Variants in ACACA observed in about 807,000 individuals in gnomAD.
ACACA encodes the protein acetyl-CoA carboxylase alpha, also known as acetyl-CoA carboxylase 1.
A neutral mutation model predicts 296.1 loss-of-function variants in ACACA; 103 were observed. That is an observed-to-expected ratio of 0.35 (90% CI 0.30 to 0.41). The LOEUF (loss-of-function observed/expected upper bound fraction) is 0.41. ACACA is among the 10% of genes least tolerant of loss of function. ACACA has a pLI of 1.00. For synonymous variants in ACACA, 953 were observed against 1,038.6 expected, an observed-to-expected ratio of 0.92 and a Z score of 1.58; for missense variants, 1,554 against 2,989.7, an observed-to-expected ratio of 0.52 and a Z score of 11.20.
At chr17:37,114,225 C>A (rs1264463215) in intron 50 of ACACA, among the ~76,000 whole-genome samples, 2 of 151,900 alleles carry the variant, frequency 1.3e-5, no homozygotes, top group African/African-American at 4.8e-5. Flanking sequence ...AAGAGAGGAA[C>A]CACCTCTTCA....
intron 29 of ACACA, 48 bp from the exon 30 acceptor site, chr17:37,210,538 A>G: frequency 6.4e-7 from 1 of 1,571,810 alleles, no homozygotes; most frequent in Non-Finnish European, 8.8e-7. Context: ...AGTGAAAGCC[A>G]TAATAAAAGA....
chr17:37,376,264 C>A, intron 1 of ACACA: 1 of 858,980 alleles, frequency 1.2e-6, no homozygotes, highest in Non-Finnish European at 1.9e-6. Flanking sequence ...GCAATACTTT[C>A]CAGAGTTAAT....
intron 41 of ACACA, among the ~76,000 whole-genome samples, chr17:37,170,032 A>G (rs950259730): frequency 6.6e-6 from 1 of 152,142 alleles, no homozygotes; most frequent in African/African-American, 2.4e-5. Flanking sequence ...TACTTACTAC[A>G]AATTATTTTG....
intron 22 of ACACA, 121 bp downstream of exon 22, chr17:37,243,250 T>A: frequency 9.5e-7 from 1 of 1,050,138 alleles, no homozygotes; most frequent in Admixed American, 1.9e-5. Context: ...AGGAATACAA[T>A]GCTTAAAAGT....
intron 36 of ACACA, 105 bp downstream of exon 36, chr17:37,193,269 G>C (rs1483014539): frequency 2.4e-6 from 2 of 849,660 alleles, no homozygotes; most frequent in African/African-American, 3.4e-5. Flanking sequence ...AGTTCAATAA[G>C]AGAAAAAAGA....
At chr17:37,156,571 G>A (rs1318494153) in intron 42 of ACACA, among the ~76,000 whole-genome samples, 1 of 152,158 alleles carries the variant, frequency 6.6e-6, no homozygotes, top group Non-Finnish European at 1.5e-5. Flanking sequence ...TCTACACAGT[G>A]CTAATAGTGA....
chr17:37,263,546 T>G (rs531097994), intron 11 of ACACA, 139 bp downstream of exon 11: 1 of 772,472 alleles, frequency 1.3e-6, no homozygotes, highest in Non-Finnish European at 2.1e-6. Flanking sequence ...TAGAATTTTT[T>G]TTCTCTAAGA....
chr17:37,224,087 A>G (rs1008249701), intron 27 of ACACA, among the ~76,000 whole-genome samples: 27 of 152,324 alleles, frequency 1.8e-4, no homozygotes, highest in Admixed American at 5.2e-4. Flanking sequence ...CTGTAATCCC[A>G]GCTACTCTGG....
At chr17:37,166,705 C>T (rs7215485) in intron 41 of ACACA, among the ~76,000 whole-genome samples, 73,926 of 152,028 alleles carry the variant, frequency 0.49, 20,223 homozygotes, top group East Asian at 0.75. Context: ...TTATGCTAGC[C>T]GTATAACCTT....
At chr17:37,271,515 CA>C (rs1056081430) in intron 9 of ACACA, among the ~76,000 whole-genome samples, 2 of 150,146 alleles carry the variant, frequency 1.3e-5, no homozygotes, top group Non-Finnish European at 3.0e-5. Flanking sequence ...AACTCCATCT[CA>C]AAAAAAACAA....
intron 16 of ACACA, among the ~76,000 whole-genome samples, 161 bp from the exon 17 acceptor site, chr17:37,248,835 T>A (rs538977188): frequency 1.3e-5 from 2 of 152,338 alleles, no homozygotes; most frequent in Admixed American, 6.5e-5. Context: ...CAATTATGAA[T>A]CTTACAATGG....
At chr17:37,243,838 T>C (rs1460527148) in intron 21 of ACACA, among the ~76,000 whole-genome samples, 1 of 152,202 alleles carries the variant, frequency 6.6e-6, no homozygotes, top group Non-Finnish European at 1.5e-5. Flanking sequence ...GAGTCAACTA[T>C]ATCTGAATTC....
At chr17:37,357,129 T>C (rs1300684248) in intron 1 of ACACA, among the ~76,000 whole-genome samples, 1 of 152,212 alleles carries the variant, frequency 6.6e-6, no homozygotes, top group African/African-American at 2.4e-5. Flanking sequence ...TGCCACCATT[T>C]CCCAAGACTT....
intron 1 of ACACA, among the ~76,000 whole-genome samples, chr17:37,402,894 G>A (rs983986813): frequency 9.2e-5 from 14 of 151,986 alleles, no homozygotes; most frequent in African/African-American, 1.7e-4. Flanking sequence ...GGATGGTCTC[G>A]ATCTCCTGAC....
intron 41 of ACACA, among the ~76,000 whole-genome samples, chr17:37,169,697 T>C (rs1318567185): frequency 6.6e-6 from 1 of 152,212 alleles, no homozygotes; most frequent in African/African-American, 2.4e-5. Flanking sequence ...GTGACATTCA[T>C]TGATTTCACC....
intron 52 of ACACA, among the ~76,000 whole-genome samples, chr17:37,100,630 C>CAAA (rs35888166): frequency 8.5e-5 from 9 of 105,436 alleles, no homozygotes; most frequent in East Asian, 8.0e-4. Context: ...GACCGCCCCT[C>CAAA]AAAAAAAAAA....
intron 3 of ACACA, among the ~76,000 whole-genome samples, chr17:37,298,565 T>C (rs919848619): frequency 2.0e-5 from 3 of 152,084 alleles, no homozygotes; most frequent in Non-Finnish European, 4.4e-5. Context: ...TGCATGCCTG[T>C]AGTCCCAGCT....
chr17:37,330,186 C>G lies in ACACA; in HGVS notation c.325G>C (p.Ala109Pro). 1 of 1,614,154 alleles carries G rather than the reference C, an allele frequency of 6.2e-7. No individual in the cohort carries two copies. The highest frequency in any genetic ancestry group is 8.5e-7 in the Non-Finnish European group (1 of 1,180,032). Residue 109 changes from alanine to proline, a missense_variant, in exon 3 of 56, where the codon GCC becomes CCC. By Grantham distance (27) the Ala-to-Pro change is conservative. This residue lies in a region of ACACA where 140 missense variants were observed against 147.7 expected (regional missense o/e 0.95). Coordinates refer to ENST00000616317, the MANE Select transcript of ACACA (RefSeq NM_198834.3). ...LGISSLQDGLALHIRSSMSGL... is the reference protein window; with the variant it reads ...LGISSLQDGLPLHIRSSMSGL... The stretch of plus-strand genomic sequence containing the variant: ...ACTCTCTCTTACCTTATGTGCAAGG[C>G]CAAGCCATCCTGTAGGCTAGAGATC...
intron 3 of ACACA, among the ~76,000 whole-genome samples, chr17:37,298,981 T>G (rs2083484890): frequency 6.6e-6 from 1 of 152,216 alleles, no homozygotes; most frequent in Non-Finnish European, 1.5e-5. Flanking sequence ...CTGATACATC[T>G]GAGGTTCCCT....
Sources: gnomAD v4.1 joint callset for allele counts (sites outside exome capture counted in the v4.1 genomes callset) on GRCh38, gnomAD v4.1.1 for gene constraint, gnomAD v4.1.1 regional missense constraint, MANE v1.5 for transcripts, NCBI Gene and HGNC (gene_info 2026-07-23, HGNC 2026-07-21) for gene names.